The following SCN1A variants were observed in gnomAD, a reference collection of about 807,000 sequenced individuals.
The protein encoded by SCN1A is sodium channel protein type 1 subunit alpha.
A neutral mutation model predicts 193.7 loss-of-function variants in SCN1A; 13 were observed. The observed-to-expected ratio is 0.07, with a 90% CI of 0.04 to 0.11. SCN1A has a LOEUF of 0.11. Among genes scored for constraint, SCN1A ranks in the 10% least tolerant of loss-of-function variants. The pLI is 1.00. For synonymous variants in SCN1A, 781 were observed against 843.6 expected (o/e 0.93, Z 1.29); for missense variants, 1,432 against 2,451.1 (o/e 0.58, Z 8.78).
At chr2:166,032,299 G>A (rs777056306) in intron 19 of SCN1A, among the ~76,000 whole-genome samples, 2 of 62,872 alleles carry the variant, frequency 3.2e-5, no homozygotes, top group African/African-American at 8.7e-5. Flanking sequence ...AGTCTCCCTG[G>A]CATATGATAA....
intron 2 of SCN1A, chr2:166,126,480 G>A (rs1314109113): frequency 6.6e-6 from 1 of 152,172 alleles, no homozygotes; most frequent in Admixed American, 6.5e-5. Flanking sequence ...AAATAGGAAA[G>A]GTAAGCTACC....
chr2:165,995,511 T>A (rs570020773), intron 27 of SCN1A, among the ~76,000 whole-genome samples: 1 of 151,948 alleles, frequency 6.6e-6, no homozygotes, highest in South Asian at 2.1e-4. Context: ...GCCATACATA[T>A]GAATAGTAGA....
chr2:165,992,576 ATATAT>A lies in SCN1A; in HGVS notation c.4853-159_4853-155del, dbSNP rs1689408313. The A allele has an allele frequency of 5.2e-6, 2 of 383,200 alleles. No individual in the cohort carries two copies. Among genetic ancestry groups the A allele is most frequent in the South Asian group, 9.8e-5 (1 of 10,166 alleles). 23.7% of individuals were successfully genotyped at this position (383,200 alleles called of 1,614,324 possible). A position where few individuals can be genotyped will look rare whatever the true frequency, so the allele number is the denominator to read the frequency against. Reference sequence around the variant, plus strand: ...TATAATATATATATAATTGTACATAATATATTATAAATCTTAATTTTGAAATTCAG... The same window carrying A: ...TATAATATATATATAATTGTACATAATATAAATCTTAATTTTGAAATTCAG... On this transcript the variant is annotated intron_variant, in intron 28 of 28. Coordinates refer to ENST00000674923, the MANE Select transcript of SCN1A (RefSeq NM_001165963.4). The surrounding 1 kb of genome is among the most constrained non-coding windows in gnomAD (Gnocchi z 6.5).
At position 165,992,533 on chromosome 2, in the gene SCN1A, T is replaced by A; in HGVS notation, c.4853-111A>T. The A allele has an allele frequency of 1.0e-6, 1 of 956,596 alleles. No homozygotes were observed. The allele number at this position is 956,596 out of a possible 1,614,324, so 59.3% of individuals were successfully genotyped here. A position where few individuals can be genotyped will look rare whatever the true frequency, so the allele number is the denominator to read the frequency against. On this transcript the variant is annotated intron_variant, in intron 28 of 28. Coordinates refer to ENST00000674923, the MANE Select transcript of SCN1A (RefSeq NM_001165963.4). The surrounding 1 kb of genome is among the most constrained non-coding windows in gnomAD (Gnocchi z 6.5). ...GTTCAGAGTCCTGAACCCAGTTATA[T>A]TAAATATGACAACTATATATAATAT... is the stretch of plus-strand genomic sequence containing the variant.
chr2:166,132,132 T>C (rs1440600800), upstream of SCN1A, among the ~76,000 whole-genome samples: 2 of 152,042 alleles, frequency 1.3e-5, no homozygotes, highest in Non-Finnish European at 2.9e-5. Context: ...AACAGACAAG[T>C]CTAGATGTTA....
At chr2:166,012,521 A>G (rs751955632) in intron 21 of SCN1A, among the ~76,000 whole-genome samples, 3 of 150,872 alleles carry the variant, frequency 2.0e-5, no homozygotes, top group Non-Finnish European at 3.0e-5. Context: ...CTTAGTCAGG[A>G]AATAGTTCTT....
chr2:166,078,088 C>T (rs1685150785), intron 2 of SCN1A, among the ~76,000 whole-genome samples: 1 of 151,742 alleles, frequency 6.6e-6, no homozygotes, highest in East Asian at 1.9e-4. Context: ...TAATAGTGGA[C>T]ACATGTCATT....
At position 166,073,222 on chromosome 2, in the gene SCN1A, C is replaced by A. The variant is rs572428988; in HGVS notation, c.264+136G>T. On this transcript the variant is annotated intron_variant, in intron 4 of 28. Transcript: ENST00000674923. ...ATTTCTCATGTATATGCATAAACCA[C>A]CCACAAATGTGTTTCATTTCTTAAA... 1.3e-5 allele frequency: 13 copies of A among 1,036,522 alleles called. No individual in the cohort carries two copies. In the Admixed American group the frequency reaches 2.1e-4, roughly 17 times the overall value. 64.2% of individuals were successfully genotyped at this position (1,036,522 alleles called of 1,614,324 possible).
chr2:166,018,687 A>G (rs1354821927), intron 19 of SCN1A, among the ~76,000 whole-genome samples: 1 of 152,062 alleles, frequency 6.6e-6, no homozygotes, highest in Non-Finnish European at 1.5e-5. Flanking sequence ...CTCAACCAAG[A>G]TAGTGTAATG....
chr2:166,066,659 A>G (rs1039647573), intron 4 of SCN1A, among the ~76,000 whole-genome samples: 3 of 152,196 alleles, frequency 2.0e-5, no homozygotes, highest in African/African-American at 7.2e-5. Flanking sequence ...CCTATCTAAG[A>G]AAATGAGGCC....
At chr2:166,014,751 G>A (rs1327338655) in intron 20 of SCN1A, among the ~76,000 whole-genome samples, 1 of 150,698 alleles carries the variant, frequency 6.6e-6, no homozygotes, top group African/African-American at 2.4e-5. Context: ...GAACTAAGGA[G>A]TGAAGGAATG....
chr2:166,086,962 G>GTA (rs1686197764), intron 2 of SCN1A, among the ~76,000 whole-genome samples: 1 of 152,060 alleles, frequency 6.6e-6, no homozygotes, highest in Admixed American at 6.6e-5. Context: ...GTCTATTTCT[G>GTA]TCTAGGTGTA....
At chr2:166,047,527 G>A (rs1344500915) in intron 11 of SCN1A, 100 bp downstream of exon 11, 14 of 1,340,100 alleles carry the variant, frequency 1.0e-5, no homozygotes, top group Non-Finnish European at 1.4e-5. Context: ...TTCAAGTTCT[G>A]CTCTTTCTAC....
rs1277338513 is a variant in SCN1A, at chr2:165,989,479, A to G, written c.*1766T>C. 6.6e-6 allele frequency: 1 copy of G among 152,238 alleles called. No individual in the cohort carries two copies. The highest frequency in any genetic ancestry group is 2.4e-5 in the African/African-American group (1 of 41,456). 9.4% of individuals were successfully genotyped at this position (152,238 alleles called of 1,614,324 possible). A position where few individuals can be genotyped will look rare whatever the true frequency, so the allele number is the denominator to read the frequency against. On this transcript the variant is annotated 3_prime_UTR_variant, in exon 29 of 29. Coordinates refer to ENST00000674923, the MANE Select transcript of SCN1A (RefSeq NM_001165963.4). ...GTCAGAAAAAAAGAACAAAAATAACATAAGCACTACCTTCAATTCAGTTAG... is the reference window on the plus strand; with the variant it reads ...GTCAGAAAAAAAGAACAAAAATAACGTAAGCACTACCTTCAATTCAGTTAG...
At chr2:166,118,219 T>C (rs549829532) in intron 2 of SCN1A, among the ~76,000 whole-genome samples, 42 of 150,160 alleles carry the variant, frequency 2.8e-4, no homozygotes, top group Middle Eastern at 6.9e-3. Context: ...AAGATTCCAC[T>C]TTTTGCTATT....
intron 9 of SCN1A, among the ~76,000 whole-genome samples, chr2:166,051,378 T>C (rs1698534123): frequency 6.6e-6 from 1 of 152,078 alleles, no homozygotes; most frequent in Non-Finnish European, 1.5e-5. Context: ...TTAGGTAATT[T>C]TCTAAAAGAT....
At chr2:166,134,086 T>C (rs1262301306) in intron 1 of SCN1A, among the ~76,000 whole-genome samples, 1 of 152,108 alleles carries the variant, frequency 6.6e-6, no homozygotes, top group African/African-American at 2.4e-5. Context: ...TTTGTAAACC[T>C]CATAAAAAAG....
intron 14 of SCN1A, among the ~76,000 whole-genome samples, chr2:166,043,441 T>C (rs562789371): frequency 6.6e-6 from 1 of 152,356 alleles, no homozygotes; most frequent in East Asian, 1.9e-4. Flanking sequence ...AATTATTGTG[T>C]CTAATCAATC....
chr2:166,042,570 T>C, intron 14 of SCN1A, 146 bp from the exon 15 acceptor site: 2 of 781,998 alleles, frequency 2.6e-6, no homozygotes, highest in Admixed American at 2.0e-5. Context: ...TTCTGACTTA[T>C]TGTATCATTA....
Sources: allele counts gnomAD v4.1 joint callset (sites outside exome capture counted in the v4.1 genomes callset), GRCh38; gene constraint gnomAD v4.1.1; non-coding constraint Gnocchi (gnomAD v3.1); transcripts MANE v1.5; gene names NCBI Gene and HGNC (gene_info 2026-07-23, HGNC 2026-07-21).